WFS1: variants seen among roughly 807,000 people sequenced by gnomAD.
WFS1 encodes the protein wolframin ER transmembrane glycoprotein, also known as wolframin.
Under a neutral mutation model 68.5 loss-of-function variants are expected in WFS1, and 90 were observed. That is an observed-to-expected ratio of 1.31 (90% CI 1.11 to 1.56). The LOEUF (loss-of-function observed/expected upper bound fraction) is 1.56, where lower values mean the gene tolerates loss of function less well. Ranked by LOEUF, WFS1 falls within the 40% of genes most tolerant of loss-of-function variation. The pLI, the probability that WFS1 is intolerant of heterozygous loss-of-function variation, is 0.00. For missense variants in WFS1, 1,767 were observed against 1,232.6 expected, an observed-to-expected ratio of 1.43 and a Z score of -6.49; for synonymous variants, 860 against 540.7, an observed-to-expected ratio of 1.59 and a Z score of -8.19.
Position 6,301,647 on chromosome 4 carries a change from T to C in WFS1, c.1852T>C (p.Phe618Leu). ...GTTGCGCTGGTGGACCAAGGCCAGCTTCTCTGTGGTGGGGATGGTGAAGTC... is the reference window on the plus strand; with the variant it reads ...GTTGCGCTGGTGGACCAAGGCCAGCCTCTCTGTGGTGGGGATGGTGAAGTC... ...LLLRWWTKAS[F>L]SVVGMVKSLT... The change falls in exon 8 of 8, where the codon TTC (phenylalanine) becomes CTC (leucine). Residue 618 changes from phenylalanine (F) to leucine (L), a missense_variant. Transcript: ENST00000226760. 1 of 1,614,058 alleles carries C rather than the reference T, an allele frequency of 6.2e-7. No homozygotes were observed. Among genetic ancestry groups the C allele is most frequent in the Non-Finnish European group, 8.5e-7 (1 of 1,179,986 alleles).
chr4:6,291,236 C>T lies in WFS1; in HGVS notation c.500C>T (p.Ser167Phe). Residue 167 changes from serine (S) to phenylalanine (F), a missense_variant, in exon 5 of 8, where the codon TCC (serine) becomes TTC (phenylalanine). By Grantham distance (155) the Ser-to-Phe change is radical. Coordinates refer to ENST00000226760, the MANE Select transcript of WFS1 (RefSeq NM_006005.3). ...AACGAACGGGAGGTGAGGCAGCTCT[C>T]CTCCGAGACCGACCTGGAGAGGGCC... ...SENEREVRQL[S>F]SETDLERAVR... 6.2e-7 allele frequency: 1 copy of T among 1,613,092 alleles called. No homozygotes were observed. Among genetic ancestry groups the T allele is most frequent in the South Asian group, 1.1e-5 (1 of 91,064 alleles).
In WFS1 at chr4:6,302,102, G is replaced by C; in HGVS notation, c.2307G>C (p.Lys769Asn). Reference protein sequence around the residue: ...LLAKHPCHIKKFDRYKFEITV... With the variant: ...LLAKHPCHIKNFDRYKFEITV... The stretch of plus-strand genomic sequence containing the variant: ...CCAAGCACCCCTGCCACATCAAGAA[G>C]TTCGACCGCTACAAGTTTGAGATTA... Residue 769 changes from lysine to asparagine, a missense_variant, in exon 8 of 8, where the codon AAG becomes AAC. Physicochemically the swap from Lys to Asn is moderately conservative, Grantham distance 94. Coordinates refer to ENST00000226760, the MANE Select transcript of WFS1 (RefSeq NM_006005.3). The C allele has an allele frequency of 6.2e-7, 1 of 1,612,944 alleles. No individual in the cohort carries two copies. Among genetic ancestry groups the C allele is most frequent in the South Asian group, 1.1e-5 (1 of 91,090 alleles).
rs1294179831 is a variant in WFS1 at position 6,283,403 on chromosome 4, G to A, written c.233-3690G>A. ...ATTGACACAAGCCAAAAAAGTAGAGGGGCAAGGGATTGATGAGTCCATAGA... is the reference window on the plus strand; with the variant it reads ...ATTGACACAAGCCAAAAAAGTAGAGAGGCAAGGGATTGATGAGTCCATAGA... On this transcript the variant is annotated intron_variant, in intron 2 of 7. Coordinates refer to ENST00000226760, the MANE Select transcript of WFS1 (RefSeq NM_006005.3). This position sits in a 1 kb window ranked among gnomAD's most constrained non-coding sequence, Gnocchi z 5.0. Among the ~76,000 whole-genome samples the A allele has an allele frequency of 6.6e-6, 1 of 152,192 alleles. No individual in the cohort carries two copies.
Position 6,301,097 on chromosome 4 carries a change from C to T in WFS1, c.1302C>T (p.Val434=), listed in dbSNP as rs142745931. The T allele has an allele frequency of 3.5e-5, 57 of 1,613,868 alleles. No homozygotes were observed. In the African/African-American group the frequency reaches 7.1e-4, roughly 20 times the overall value. ...GCATCCCCTGCTCGGAGCTGGCTGT[C>T]ATCACCGGCTTCTTTACCGTGACCA... The part of the protein sequence containing the change: ...KDCIPCSELA[V]ITGFFTVTSY... Residue 434 remains valine (V), a synonymous_variant, in exon 8 of 8, where the codon GTC becomes GTT. Coordinates refer to ENST00000226760, the MANE Select transcript of WFS1 (RefSeq NM_006005.3).
At chr4:6,273,604 TGGCAAGGCAGCC>T (rs1488892432) in intron 1 of WFS1, among the ~76,000 whole-genome samples, 12 of 152,184 alleles carry the variant, frequency 7.9e-5, no homozygotes, top group African/African-American at 2.9e-4. Flanking sequence ...AACGTATTCC[TGGCAAGGCAGCC>T]GGTCTTCCGA....
In WFS1 at chr4:6,301,294, A is replaced by ATGT; in HGVS notation, c.1499_1500insTGT (p.Val501dup). Reference sequence around the variant, plus strand: ...CCTGTCGGCCACCTGGTCGTCCTCAACGTCAGCGTCCCGTGCCTGCTCTAT... The same window carrying ATGT: ...CCTGTCGGCCACCTGGTCGTCCTCAATGTCGTCAGCGTCCCGTGCCTGCTCTAT... On this transcript the variant is annotated inframe_insertion, in exon 8 of 8. Coordinates refer to ENST00000226760, the MANE Select transcript of WFS1 (RefSeq NM_006005.3). The ATGT allele has an allele frequency of 6.2e-6, 10 of 1,611,556 alleles. No homozygotes were observed. The highest frequency in any genetic ancestry group is 8.5e-6 in the Non-Finnish European group (10 of 1,180,018).
At chr4:6,288,932 C>T in intron 3 of WFS1, 55 bp from the exon 4 acceptor site, 1 of 1,588,044 alleles carries the variant, frequency 6.3e-7, no homozygotes, top group Non-Finnish European at 8.6e-7. Context: ...TGGCAGGGAG[C>T]ATGGGGTGGG....
rs746092383 is a variant in WFS1, at chr4:6,295,108, C to T, written c.780C>T (p.Pro260=). Residue 260 remains proline (P), a synonymous_variant, in exon 7 of 8, where the codon CCC becomes CCT. Transcript: ENST00000226760. ...ITKKYAKGVI[P]SSLFLQDDED... is the part of the protein sequence containing the mutation. ...AGAAGTACGCCAAGGGCGTCATCCCCAGCAGCCTGTTCCTGCAGGACGACG... is the reference window on the plus strand; with the variant it reads ...AGAAGTACGCCAAGGGCGTCATCCCTAGCAGCCTGTTCCTGCAGGACGACG... The T allele has an allele frequency of 1.9e-6, 3 of 1,613,502 alleles. No homozygotes were observed. The highest frequency in any genetic ancestry group is 2.5e-6 in the Non-Finnish European group (3 of 1,180,042).
At chr4:6,274,445 C>G (rs1729933093) in intron 1 of WFS1, among the ~76,000 whole-genome samples, 1 of 152,090 alleles carries the variant, frequency 6.6e-6, no homozygotes, top group African/African-American at 2.4e-5. Context: ...CCCCATTTTA[C>G]ATATGGGGAA....
rs10937720 is a variant in WFS1 at position 6,293,724 on chromosome 4, A to G, written c.713-1317A>G. ...ACAGGACATCCTGCCCAAGGTATTC[A>G]TCCCTATGAGGACAGGGGCCTTCCT... On this transcript the variant is annotated intron_variant, in intron 6 of 7. Coordinates refer to ENST00000226760, the MANE Select transcript of WFS1 (RefSeq NM_006005.3). 0.64 allele frequency among the ~76,000 whole-genome samples: 97,337 copies of G among 152,082 alleles called. 31,750 individuals carry two copies. Among genetic ancestry groups the G allele is most frequent in the East Asian group, 0.94 (4,839 of 5,174 alleles).
intron 4 of WFS1, among the ~76,000 whole-genome samples, chr4:6,290,487 G>A (rs997531051): frequency 6.6e-6 from 1 of 152,234 alleles, no homozygotes; most frequent in Admixed American, 6.5e-5. Flanking sequence ...TTGGCCCCGT[G>A]TTCCCCCAGC....
rs4688989 is a variant in WFS1 at position 6,288,867 on chromosome 4, T to C, written c.316-120T>C. On this transcript the variant is annotated intron_variant, in intron 3 of 7. Coordinates refer to ENST00000226760, the MANE Select transcript of WFS1 (RefSeq NM_006005.3). ...GACATGCCTGGTGTGACCCCATTTC[T>C]GCCCCTTCCTTCCTGGCCTGGGTGA... 0.63 allele frequency: 913,873 copies of C among 1,455,408 alleles called. 291,337 individuals carry two copies. The highest frequency in any genetic ancestry group is 0.96 in the East Asian group (38,939 of 40,476). The allele number at this position is 1,455,408 out of a possible 1,614,324, so 90.2% of individuals were successfully genotyped here.
At chr4:6,280,717 G>A (rs1461907559) in intron 2 of WFS1, among the ~76,000 whole-genome samples, 1 of 152,170 alleles carries the variant, frequency 6.6e-6, no homozygotes, top group Non-Finnish European at 1.5e-5. Context: ...CTAAGCATGT[G>A]GCCCTGGTGG....
chr4:6,289,803 C>CT (rs889355356), intron 4 of WFS1, among the ~76,000 whole-genome samples: 8 of 152,124 alleles, frequency 5.3e-5, no homozygotes, highest in African/African-American at 1.7e-4. Flanking sequence ...CTAATGATAC[C>CT]TTTTTTTTCA....
chr4:6,279,676 C>T (rs1730099011), intron 2 of WFS1, among the ~76,000 whole-genome samples: 1 of 152,198 alleles, frequency 6.6e-6, no homozygotes, highest in African/African-American at 2.4e-5. Context: ...CAAGGAACTA[C>T]ATTCTGGGGC....
intron 2 of WFS1, among the ~76,000 whole-genome samples, chr4:6,285,782 C>T (rs1472061567): frequency 6.6e-6 from 1 of 152,166 alleles, no homozygotes; most frequent in Non-Finnish European, 1.5e-5. Context: ...CTGGGAAAGC[C>T]CTGGGTGAGT....
At chr4:6,294,903 A>G (rs1730582938) in intron 6 of WFS1, 138 bp from the exon 7 acceptor site, 1 of 1,431,028 alleles carries the variant, frequency 7.0e-7, no homozygotes. Context: ...CGCCCAGGGA[A>G]GGGTTTCCTC....
chr4:6,301,937 C>T lies in WFS1; in HGVS notation c.2142C>T (p.Asn714=), dbSNP rs1446157294. The change falls in exon 8 of 8, where the codon AAC becomes AAT. Residue 714 remains asparagine (N), a synonymous_variant. Coordinates refer to ENST00000226760, the MANE Select transcript of WFS1 (RefSeq NM_006005.3). Reference sequence around the variant, plus strand: ...ACGTCCGCGTGACTGACATCGACAACAGCGCCGAGTCTGCCATCAACATGC... The same window carrying T: ...ACGTCCGCGTGACTGACATCGACAATAGCGCCGAGTCTGCCATCAACATGC... ...FKYVRVTDID[N]SAESAINMLP... is the part of the protein sequence containing the mutation. 1 of 1,612,802 alleles carries T rather than the reference C, an allele frequency of 6.2e-7. No homozygotes were observed. The highest frequency in any genetic ancestry group is 1.3e-5 in the African/African-American group (1 of 74,952).
intron 2 of WFS1, among the ~76,000 whole-genome samples, chr4:6,282,755 G>T (rs925860671): frequency 2.6e-5 from 4 of 152,178 alleles, no homozygotes; most frequent in African/African-American, 9.7e-5. Context: ...TCATTGTGTG[G>T]GAAGAAGCCT....
Sources: allele counts gnomAD v4.1 joint callset (sites outside exome capture counted in the v4.1 genomes callset), GRCh38; gene constraint gnomAD v4.1.1; non-coding constraint Gnocchi (gnomAD v3.1); transcripts MANE v1.5; gene names NCBI Gene and HGNC (gene_info 2026-07-23, HGNC 2026-07-21).